The following PCGF6 variants were observed in gnomAD, a reference collection of about 807,000 sequenced individuals.
The protein encoded by PCGF6 is polycomb group RING finger protein 6.
A neutral mutation model predicts 45.5 loss-of-function variants in PCGF6; 24 were observed. The observed-to-expected ratio is 0.53, with a 90% CI of 0.38 to 0.74. The LOEUF (loss-of-function observed/expected upper bound fraction) is 0.74. Ranked by LOEUF, PCGF6 falls within the 30% of genes least tolerant of loss-of-function variation. PCGF6 has a pLI of 0.00. For missense variants in PCGF6, 356 were observed against 443.2 expected (o/e 0.80, Z 1.77); for synonymous variants, 152 against 162.1 (o/e 0.94, Z 0.47).
At chr10:103,315,970 G>GTA (rs1286366041) in intron 8 of PCGF6, among the ~76,000 whole-genome samples, 1 of 72,186 alleles carries the variant, frequency 1.4e-5, no homozygotes, top group Non-Finnish European at 2.9e-5. Context: ...CAGCTTATAT[G>GTA]TGTGTGTGTG....
At position 103,348,921 on chromosome 10, in the gene PCGF6, T is replaced by C. The variant is rs990570259; in HGVS notation, c.439A>G (p.Ile147Val). 2 of 1,612,908 alleles carry C rather than the reference T, an allele frequency of 1.2e-6. No homozygotes were observed. Among genetic ancestry groups the C allele is most frequent in the East Asian group, 2.2e-5 (1 of 44,876 alleles). The change falls in exon 2 of 10, where the codon ATC becomes GTC. Residue 147 changes from isoleucine to valine, a missense_variant. By Grantham distance (29) the Ile-to-Val change is conservative (BLOSUM62 3). Around this residue, in one of 2 missense-constraint regions of PCGF6, gnomAD observed 307 missense variants for 350.1 expected, o/e 0.88. Transcript: ENST00000369847. Reference sequence around the variant, plus strand: ...TTACAGGTATGAAGACATTCTGTGATGGTAGTTGCATCTATTAAGTAACCT... The same window carrying C: ...TTACAGGTATGAAGACATTCTGTGACGGTAGTTGCATCTATTAAGTAACCT... ...CKGYLIDATT[I>V]TECLHTFCKS...
At chr10:103,340,226 A>T (rs1360084000) in intron 6 of PCGF6, among the ~76,000 whole-genome samples, 8 of 142,724 alleles carry the variant, frequency 5.6e-5, no homozygotes, top group African/African-American at 2.1e-4. Context: ...TATATATTTT[A>T]TATACATACC....
intron 7 of PCGF6, among the ~76,000 whole-genome samples, chr10:103,331,145 G>C (rs1456879646): frequency 2.0e-5 from 3 of 152,256 alleles, no homozygotes; most frequent in South Asian, 2.1e-4. Context: ...GTCAGACCAT[G>C]TATCAGTACT....
chr10:103,307,709 G>C (rs763702962), intron 9 of PCGF6, among the ~76,000 whole-genome samples: 1 of 152,120 alleles, frequency 6.6e-6, no homozygotes, highest in Non-Finnish European at 1.5e-5. Context: ...CTGGGCTCAA[G>C]TGACCCTCCC....
intron 7 of PCGF6, among the ~76,000 whole-genome samples, chr10:103,330,197 T>C (rs2093235073): frequency 6.6e-6 from 1 of 151,980 alleles, no homozygotes; most frequent in Admixed American, 6.6e-5. Flanking sequence ...GCCACAGCCC[T>C]CCTGAGTACC....
At chr10:103,341,539 A>T in intron 6 of PCGF6, among the ~76,000 whole-genome samples, 1 of 151,422 alleles carries the variant, frequency 6.6e-6, no homozygotes, top group East Asian at 2.0e-4. Context: ...TCTCGGATTC[A>T]AGTGATTCTC....
At chr10:103,316,013 T>TATATATAGAG (rs1311416309) in intron 8 of PCGF6, among the ~76,000 whole-genome samples, 1 of 119,502 alleles carries the variant, frequency 8.4e-6, no homozygotes, top group African/African-American at 3.2e-5. Context: ...TATATATATA[T>TATATATAGAG]AGAGAGAGAG....
chr10:103,348,839 G>A (rs2093309206), intron 2 of PCGF6, 27 bp from the exon 3 acceptor site: 1 of 1,603,370 alleles, frequency 6.2e-7, no homozygotes. Context: ...TTGAAGTCAG[G>A]ATGCTTTCAA....
intron 6 of PCGF6, among the ~76,000 whole-genome samples, chr10:103,338,402 G>A (rs545754329): frequency 2.4e-3 from 361 of 151,746 alleles, no homozygotes; most frequent in African/African-American, 7.9e-3. Context: ...AAAATTAGCC[G>A]GGCGTGGTGG....
chr10:103,345,422 T>C lies in PCGF6; in HGVS notation c.674-290A>G, dbSNP rs570294922. 2.6e-5 allele frequency among the ~76,000 whole-genome samples: 4 copies of C among 152,100 alleles called. No individual in the cohort carries two copies. In the East Asian group the frequency reaches 5.8e-4, roughly 22 times the overall value. On this transcript the variant is annotated intron_variant, in intron 5 of 9. Coordinates refer to ENST00000369847, the MANE Select transcript of PCGF6 (RefSeq NM_001011663.2). The stretch of plus-strand genomic sequence containing the variant: ...AGACAACCCTGCATAAGCACTACTA[T>C]GTGTCAGGGCTCATACTTAGCACTT...
chr10:103,303,859 T>G lies in PCGF6; in HGVS notation c.*46A>C, dbSNP rs1438874131. The G allele has an allele frequency of 6.6e-7, 1 of 1,516,452 alleles. No individual in the cohort carries two copies. Among genetic ancestry groups the G allele is most frequent in the Non-Finnish European group, 9.1e-7 (1 of 1,095,414 alleles). 93.9% of individuals were successfully genotyped at this position (1,516,452 alleles called of 1,614,324 possible). A position where few individuals can be genotyped will look rare whatever the true frequency, so the allele number is the denominator to read the frequency against. On this transcript the variant is annotated 3_prime_UTR_variant, in exon 10 of 10. Transcript: ENST00000369847. Reference sequence around the variant, plus strand: ...GGAAATCTTTGGTGAGATGCAGTCCTGCAGAAGCCTCCTTTGTTTCCCTCC... The same window carrying G: ...GGAAATCTTTGGTGAGATGCAGTCCGGCAGAAGCCTCCTTTGTTTCCCTCC...
At chr10:103,322,550 G>C (rs1408427560) in intron 8 of PCGF6, among the ~76,000 whole-genome samples, 1 of 152,050 alleles carries the variant, frequency 6.6e-6, no homozygotes, top group African/African-American at 2.4e-5. Context: ...GCTGGGCACA[G>C]TGGCTCATGC....
chr10:103,314,156 C>G, intron 9 of PCGF6, 30 bp downstream of exon 9: 1 of 1,405,312 alleles, frequency 7.1e-7, no homozygotes, highest in Non-Finnish European at 9.8e-7. Context: ...AGTAACTTAT[C>G]TGTTAGACAT....
chr10:103,305,633 C>T (rs990771516), intron 9 of PCGF6, among the ~76,000 whole-genome samples: 8 of 152,158 alleles, frequency 5.3e-5, no homozygotes, highest in African/African-American at 1.7e-4. Context: ...ACTACTACAA[C>T]GCATCGCAGA....
intron 8 of PCGF6, among the ~76,000 whole-genome samples, chr10:103,324,363 T>C (rs1306753317): frequency 7.0e-6 from 1 of 143,390 alleles, no homozygotes; most frequent in Non-Finnish European, 1.5e-5. Context: ...GCTATATAAA[T>C]GTTCATTTTT....
chr10:103,319,295 G>A (rs1475504997), intron 8 of PCGF6, among the ~76,000 whole-genome samples: 4 of 151,968 alleles, frequency 2.6e-5, no homozygotes, highest in South Asian at 2.1e-4. Flanking sequence ...GACTACAGGC[G>A]TACCACCATG....
At chr10:103,317,817 C>T (rs182987426) in intron 8 of PCGF6, among the ~76,000 whole-genome samples, 8 of 151,416 alleles carry the variant, frequency 5.3e-5, no homozygotes, top group Non-Finnish European at 1.0e-4. Context: ...AGGGCAATGA[C>T]GCAACCTTGG....
At chr10:103,308,557 C>T (rs2093145613) in intron 9 of PCGF6, among the ~76,000 whole-genome samples, 1 of 151,790 alleles carries the variant, frequency 6.6e-6, no homozygotes, top group African/African-American at 2.4e-5. Context: ...CACCACCATG[C>T]CTGGCTAATT....
At chr10:103,304,285 C>T (rs1235103088) in intron 9 of PCGF6, among the ~76,000 whole-genome samples, 1 of 150,292 alleles carries the variant, frequency 6.7e-6, no homozygotes, top group East Asian at 2.0e-4. Flanking sequence ...TACAGGCACC[C>T]GCCACCATAC....
Sources: allele counts gnomAD v4.1 joint callset (sites outside exome capture counted in the v4.1 genomes callset), GRCh38; gene constraint gnomAD v4.1.1; regional missense constraint gnomAD v4.1.1; transcripts MANE v1.5; gene names NCBI Gene and HGNC (gene_info 2026-07-23, HGNC 2026-07-21).